The following GRHL2 variants were observed in gnomAD, a reference collection of about 807,000 sequenced individuals.
GRHL2 encodes the protein grainyhead like transcription factor 2.
A neutral mutation model predicts 83.8 loss-of-function variants in GRHL2; 21 were observed. The ratio of observed to expected loss-of-function variants is 0.25; its 90% CI spans 0.18 to 0.36. The LOEUF is 0.36. Among genes scored for constraint, GRHL2 ranks in the 10% least tolerant of loss-of-function variants. GRHL2 has a pLI of 1.00. For synonymous variants in GRHL2, 280 were observed against 278.9 expected (o/e 1.00, Z -0.04); for missense variants, 623 against 781.8 (o/e 0.80, Z 2.42).
intron 14 of GRHL2, among the ~76,000 whole-genome samples, chr8:101,653,364 G>A (rs1191259692): frequency 6.6e-6 from 1 of 152,160 alleles, no homozygotes; most frequent in Non-Finnish European, 1.5e-5. Context: ...TATTATGCTT[G>A]ACCTCAGGCC....
rs534015722 is a variant in GRHL2, at chr8:101,520,042, CTT to C, written c.21-23198_21-23197del. Reference sequence around the variant, plus strand: ...TCCAGCATTTTAATTTTAGATCAAACTTATCATAAAGTCAATTTGTTTGCCCT... The same window carrying C: ...TCCAGCATTTTAATTTTAGATCAAACATCATAAAGTCAATTTGTTTGCCCT... On this transcript the variant is annotated intron_variant, in intron 1 of 15. Coordinates refer to ENST00000646743, the MANE Select transcript of GRHL2 (RefSeq NM_024915.4). 9.1e-4 allele frequency among the ~76,000 whole-genome samples: 138 copies of C among 152,278 alleles called. 1 individual carries two copies. The highest frequency in any genetic ancestry group is 3.2e-3 in the African/African-American group (131 of 41,554).
downstream of GRHL2, among the ~76,000 whole-genome samples, chr8:101,671,941 C>T (rs1814217907): frequency 6.6e-6 from 1 of 152,192 alleles, no homozygotes; most frequent in African/African-American, 2.4e-5. Context: ...CCCAGGCAAA[C>T]AGGGTCTGGA....
chr8:101,626,671 A>T (rs554894895), intron 9 of GRHL2, among the ~76,000 whole-genome samples: 25 of 152,240 alleles, frequency 1.6e-4, no homozygotes, highest in African/African-American at 6.0e-4. Context: ...TCCAAATTTA[A>T]CACTCTATAG....
intron 1 of GRHL2, chr8:101,528,953 A>G (rs1224599836): frequency 6.7e-6 from 2 of 298,898 alleles, no homozygotes; most frequent in Non-Finnish European, 1.3e-5. Context: ...TTACTTTACA[A>G]GCTCACGGGT....
the GRHL2 span, among the ~76,000 whole-genome samples, chr8:101,675,807 C>G: frequency 6.6e-6 from 1 of 152,142 alleles, no homozygotes; most frequent in Non-Finnish European, 1.5e-5. Context: ...TGACTTCAAA[C>G]TATACTACAA....
At chr8:101,519,685 T>TCA (rs1810644253) in intron 1 of GRHL2, among the ~76,000 whole-genome samples, 1 of 151,524 alleles carries the variant, frequency 6.6e-6, no homozygotes, top group Non-Finnish European at 1.5e-5. Flanking sequence ...TTCATCCACA[T>TCA]CACACACACC....
intron 5 of GRHL2, among the ~76,000 whole-genome samples, chr8:101,572,401 G>C (rs1472498227): frequency 6.6e-6 from 1 of 152,006 alleles, no homozygotes; most frequent in Non-Finnish European, 1.5e-5. Context: ...CATAAAACAG[G>C]AATATTATTC....
At chr8:101,675,271 C>T in the GRHL2 span, among the ~76,000 whole-genome samples, 20 of 152,214 alleles carry the variant, frequency 1.3e-4, no homozygotes, top group South Asian at 4.2e-3. Context: ...GTCAAATTGC[C>T]CCTGTTTGCA....
intron 8 of GRHL2, among the ~76,000 whole-genome samples, chr8:101,613,845 A>G (rs562664503): frequency 6.6e-6 from 1 of 151,216 alleles, no homozygotes; most frequent in Non-Finnish European, 1.5e-5. Context: ...TTTCTTGGAA[A>G]AGAATTTTTT....
At chr8:101,617,826 C>A (rs1484271171) in intron 8 of GRHL2, among the ~76,000 whole-genome samples, 1 of 152,096 alleles carries the variant, frequency 6.6e-6, no homozygotes, top group Non-Finnish European at 1.5e-5. Flanking sequence ...AACATGCAGT[C>A]CGTTTCTCAT....
At position 101,668,542 on chromosome 8, in the gene GRHL2, C is replaced by T. The variant is rs1466715738; in HGVS notation, c.*1839C>T. The stretch of plus-strand genomic sequence containing the variant: ...CTGTGTGTCCTCTGGGCATGTTAAC[C>T]CTTCTGTGGGGCCAAAGGTTTGCAT... On this transcript the variant is annotated 3_prime_UTR_variant, in exon 16 of 16. Coordinates refer to ENST00000646743, the MANE Select transcript of GRHL2 (RefSeq NM_024915.4). 6.5e-6 allele frequency: 1 copy of T among 152,796 alleles called. No homozygotes were observed. The highest frequency in any genetic ancestry group is 1.5e-5 in the Non-Finnish European group (1 of 68,278). 9.5% of individuals were successfully genotyped at this position (152,796 alleles called of 1,614,324 possible).
At chr8:101,649,391 G>T (rs771649956) in intron 13 of GRHL2, 23 bp from the exon 14 acceptor site, 11 of 1,594,638 alleles carry the variant, frequency 6.9e-6, no homozygotes, top group South Asian at 1.1e-5. Context: ...CGGTCACGTG[G>T]CTCTCTTGCC....
At chr8:101,588,718 G>C (rs947913793) in intron 7 of GRHL2, among the ~76,000 whole-genome samples, 10 of 152,174 alleles carry the variant, frequency 6.6e-5, no homozygotes, top group Non-Finnish European at 1.3e-4. Context: ...TTACCAAAAA[G>C]TTATTTCTAG....
chr8:101,515,476 A>G (rs1296439045), intron 1 of GRHL2, among the ~76,000 whole-genome samples: 1 of 152,152 alleles, frequency 6.6e-6, no homozygotes, highest in Non-Finnish European at 1.5e-5. Context: ...CAGGAAGCCT[A>G]TGTCTCTCCT....
intron 1 of GRHL2, among the ~76,000 whole-genome samples, chr8:101,519,419 T>A (rs77393949): frequency 7.3e-6 from 1 of 137,388 alleles, no homozygotes; most frequent in Non-Finnish European, 1.6e-5. Context: ...AATTTTTTTT[T>A]AAAGGGTCTT....
chr8:101,669,222 A>G lies in GRHL2; in HGVS notation c.*2519A>G, dbSNP rs1480703412. 1.4e-5 allele frequency: 2 copies of G among 147,218 alleles called. No homozygotes were observed. The highest frequency in any genetic ancestry group is 3.0e-5 in the Non-Finnish European group (2 of 67,016). The allele number at this position is 147,218 out of a possible 1,614,324, so 9.1% of individuals were successfully genotyped here. On this transcript the variant is annotated 3_prime_UTR_variant, in exon 16 of 16. Coordinates refer to ENST00000646743, the MANE Select transcript of GRHL2 (RefSeq NM_024915.4). ...AATAAGCTTAAAAAAAATCCATGGA[A>G]GATCATGGACATGTGAAATGAGCAT... is the stretch of plus-strand genomic sequence containing the variant.
At chr8:101,662,623 A>G (rs1195504185) in intron 14 of GRHL2, among the ~76,000 whole-genome samples, 1 of 152,214 alleles carries the variant, frequency 6.6e-6, no homozygotes, top group African/African-American at 2.4e-5. Flanking sequence ...AGGGGCAGAC[A>G]GAGTTGATTT....
chr8:101,499,374 A>G (rs1384865569), intron 1 of GRHL2, among the ~76,000 whole-genome samples: 1 of 151,816 alleles, frequency 6.6e-6, no homozygotes, highest in Non-Finnish European at 1.5e-5. Context: ...TTAAACTAAC[A>G]TTTTCTTCTT....
At chr8:101,631,406 G>A (rs1813183663) in intron 9 of GRHL2, among the ~76,000 whole-genome samples, 1 of 152,206 alleles carries the variant, frequency 6.6e-6, no homozygotes, top group African/African-American at 2.4e-5. Flanking sequence ...CAAAAAAGGA[G>A]AGAAAATCTG....
Sources: gnomAD v4.1 joint callset for allele counts (sites outside exome capture counted in the v4.1 genomes callset) on GRCh38, gnomAD v4.1.1 for gene constraint, MANE v1.5 for transcripts, NCBI Gene and HGNC (gene_info 2026-07-23, HGNC 2026-07-21) for gene names.